Variants in ELF5 observed in about 807,000 individuals in gnomAD.
ELF5 encodes the protein E74 like ETS transcription factor 5.
In ELF5, 31 loss-of-function variants were observed where a neutral mutation model predicts 38.2. The observed-to-expected ratio is 0.81, with a 90% CI of 0.61 to 1.10. The LOEUF (loss-of-function observed/expected upper bound fraction) is 1.10, where lower values mean the gene tolerates loss of function less well. Among genes scored for constraint, ELF5 ranks in the 50% least tolerant of loss-of-function variants. ELF5 has a pLI of 0.00. For synonymous variants in ELF5, 121 were observed against 112.5 expected (o/e 1.08, Z -0.48); for missense variants, 300 against 306.6 (o/e 0.98, Z 0.16).
chr11:34,488,957 T>G (rs2133879038), intron 4 of ELF5, among the ~76,000 whole-genome samples: 1 of 152,264 alleles, frequency 6.6e-6, no homozygotes, highest in South Asian at 2.1e-4. Flanking sequence ...CACAAGGGAT[T>G]CTACCAGCAC....
chr11:34,507,582 G>A (rs1174512902), intron 1 of ELF5, among the ~76,000 whole-genome samples: 1 of 152,200 alleles, frequency 6.6e-6, no homozygotes. Context: ...TAGGGCCCCC[G>A]CTTGCACACA....
chr11:34,505,565 A>G, intron 2 of ELF5, 64 bp downstream of exon 2: 4 of 1,603,352 alleles, frequency 2.5e-6, no homozygotes, highest in Non-Finnish European at 3.4e-6. Context: ...ACCTGCGGCC[A>G]GCACCACCTC....
intron 6 of ELF5, among the ~76,000 whole-genome samples, chr11:34,480,558 T>G (rs994258896): frequency 6.6e-6 from 1 of 152,148 alleles, no homozygotes; most frequent in African/African-American, 2.4e-5. Context: ...ATGGCCTGGA[T>G]TCAGAGTGAT....
intron 2 of ELF5, among the ~76,000 whole-genome samples, chr11:34,499,033 G>A (rs900757712): frequency 3.9e-5 from 6 of 151,976 alleles, no homozygotes; most frequent in African/African-American, 9.7e-5. Flanking sequence ...GGAGGTTGCA[G>A]TGAGCCGAGG....
In ELF5 at chr11:34,480,895, A is replaced by G; in HGVS notation, c.548T>C (p.Leu183Pro). 1 of 1,614,126 alleles carries G rather than the reference A, an allele frequency of 6.2e-7. No homozygotes were observed. The highest frequency in any genetic ancestry group is 8.5e-7 in the Non-Finnish European group (1 of 1,180,016). The change falls in exon 6 of 7, where the codon CTG (leucine) becomes CCG (proline). Residue 183 changes from leucine (L) to proline (P), a missense_variant. By Grantham distance (98) the Leu-to-Pro change is moderately conservative (BLOSUM62 -3). Transcript: ENST00000257832. ...LLSPEENCGI[L>P]EWEDREQGIF... ...TCCTTGTTCCCTATCTTCCCATTCC[A>G]GAATGCCACAGTTTTCTTCAGGAGA... is the stretch of plus-strand genomic sequence containing the variant.
intron 4 of ELF5, among the ~76,000 whole-genome samples, chr11:34,484,660 T>C (rs568117128): frequency 6.6e-6 from 1 of 152,250 alleles, no homozygotes; most frequent in Non-Finnish European, 1.5e-5. Context: ...CACTGGGTCA[T>C]GTCACCTCGC....
intron 2 of ELF5, among the ~76,000 whole-genome samples, chr11:34,501,343 CAG>C (rs1850461695): frequency 6.6e-6 from 1 of 152,190 alleles, no homozygotes; most frequent in African/African-American, 2.4e-5. Flanking sequence ...GAAACCTCTG[CAG>C]CTGACAAAGT....
chr11:34,493,396 C>T, intron 3 of ELF5, 83 bp downstream of exon 3: 1 of 1,355,480 alleles, frequency 7.4e-7, no homozygotes, highest in Non-Finnish European at 1.0e-6. Context: ...CTGTGCAATT[C>T]ACACGATGGG....
At chr11:34,510,833 A>C (rs1850734819) in intron 1 of ELF5, among the ~76,000 whole-genome samples, 1 of 152,222 alleles carries the variant, frequency 6.6e-6, no homozygotes, top group Admixed American at 6.5e-5. Flanking sequence ...GTGATAAAAA[A>C]AAGGTGGAGA....
At chr11:34,483,725 C>G (rs1224296409) in intron 4 of ELF5, among the ~76,000 whole-genome samples, 2 of 151,834 alleles carry the variant, frequency 1.3e-5, no homozygotes, top group African/African-American at 4.8e-5. Context: ...CTATGCTATA[C>G]TGTACTATAC....
intron 2 of ELF5, among the ~76,000 whole-genome samples, chr11:34,501,280 G>C (rs181131127): frequency 6.6e-6 from 1 of 152,130 alleles, no homozygotes; most frequent in Non-Finnish European, 1.5e-5. Context: ...TTCTCTGGTG[G>C]TCCCTAAGGA....
intron 3 of ELF5, among the ~76,000 whole-genome samples, chr11:34,491,279 A>G (rs1157446071): frequency 6.6e-6 from 1 of 152,206 alleles, no homozygotes; most frequent in African/African-American, 2.4e-5. Flanking sequence ...GACAGTGTGA[A>G]CTTTGATCAC....
intron 1 of ELF5, chr11:34,511,631 C>T (rs367720967): frequency 6.2e-7 from 1 of 1,604,932 alleles, no homozygotes; most frequent in Non-Finnish European, 8.5e-7. Flanking sequence ...CTGGCTCACA[C>T]ACCAAATGCA....
intron 2 of ELF5, among the ~76,000 whole-genome samples, chr11:34,503,585 A>G (rs903491160): frequency 9.2e-5 from 14 of 151,714 alleles, no homozygotes; most frequent in Non-Finnish European, 2.9e-5. Context: ...AGTAGCTAGG[A>G]CTACAGGCAT....
At chr11:34,512,218 GTTC>G (rs1415897761) in intron 1 of ELF5, among the ~76,000 whole-genome samples, 2 of 151,504 alleles carry the variant, frequency 1.3e-5, no homozygotes, top group East Asian at 2.0e-4. Context: ...TTGAGGGTTT[GTTC>G]TTCTGAGAGG....
intron 1 of ELF5, chr11:34,511,673 G>A: frequency 1.4e-6 from 2 of 1,423,916 alleles, no homozygotes; most frequent in African/African-American, 1.4e-5. Flanking sequence ...TGGAGGGACA[G>A]GCCTGTGGGC....
In ELF5 at chr11:34,479,909, T is replaced by C. The variant is rs1216217122; in HGVS notation, c.*309A>G. 12 of 263,550 alleles carry C rather than the reference T, an allele frequency of 4.6e-5. No individual in the cohort carries two copies. Among genetic ancestry groups the C allele is most frequent in the Non-Finnish European group, 7.9e-5 (11 of 139,794 alleles). The allele number at this position is 263,550 out of a possible 1,614,324, so 16.3% of individuals were successfully genotyped here. On this transcript the variant is annotated 3_prime_UTR_variant, in exon 7 of 7. Transcript: ENST00000257832. ...ATGGCAGAATTGAATAGTTTTTCTC[T>C]GATCAGCATCAATGGCATGGGCTGT...
chr11:34,487,334 G>C (rs1209499802), intron 4 of ELF5, among the ~76,000 whole-genome samples: 2 of 152,102 alleles, frequency 1.3e-5, no homozygotes, highest in African/African-American at 4.8e-5. Flanking sequence ...CATCAGCAGA[G>C]GGCTTGTCTC....
intron 4 of ELF5, 102 bp from the exon 5 acceptor site, chr11:34,482,601 T>C (rs1856967308): frequency 2.2e-6 from 2 of 904,100 alleles, no homozygotes; most frequent in South Asian, 3.5e-5. Flanking sequence ...GCCTTTGTAG[T>C]AGAAGACACC....
Sources: allele counts gnomAD v4.1 joint callset (sites outside exome capture counted in the v4.1 genomes callset), GRCh38; gene constraint gnomAD v4.1.1; transcripts MANE v1.5; gene names NCBI Gene and HGNC (gene_info 2026-07-23, HGNC 2026-07-21).